The following IL1RAPL1 variants were observed in gnomAD, a reference collection of about 807,000 sequenced individuals.
IL1RAPL1 encodes interleukin 1 receptor accessory protein like 1.
Under a neutral mutation model 48.4 loss-of-function variants are expected in IL1RAPL1, and 3 were observed. The ratio of observed to expected loss-of-function variants is 0.06; its 90% CI spans 0.03 to 0.16. IL1RAPL1 has a LOEUF of 0.16. IL1RAPL1 is among the 10% of genes least tolerant of loss of function. IL1RAPL1 has a pLI of 1.00. For missense variants in IL1RAPL1, 349 were observed against 530.6 expected (o/e 0.66, Z 3.36); for synonymous variants, 185 against 187.7 (o/e 0.99, Z 0.12).
intron 1 of IL1RAPL1, among the ~76,000 whole-genome samples, chrX:28,672,827 G>T (rs1337901743): frequency 1.8e-5 from 2 of 110,845 alleles, no homozygotes; most frequent in African/African-American, 3.3e-5. Context: ...TAAATTCAGG[G>T]GTACAAGTGC....
At chrX:28,772,128 T>TGAAAAAGA (rs1206266028) in intron 1 of IL1RAPL1, among the ~76,000 whole-genome samples, 1 of 110,354 alleles carries the variant, frequency 9.1e-6, no homozygotes, top group Non-Finnish European at 1.9e-5. Context: ...TGTTGGTAGA[T>TGAAAAAGA]GAAAAAGAGA....
intron 2 of IL1RAPL1, among the ~76,000 whole-genome samples, chrX:28,951,227 C>G (rs894733543): frequency 2.8e-5 from 3 of 106,519 alleles, no homozygotes; most frequent in African/African-American, 1.0e-4. Flanking sequence ...ACATATGTAA[C>G]TAATCTGCAC....
intron 2 of IL1RAPL1, among the ~76,000 whole-genome samples, chrX:29,195,560 T>TA: frequency 1.0e-5 from 1 of 98,344 alleles, no homozygotes; most frequent in Non-Finnish European, 2.1e-5. Flanking sequence ...CTAATTACTT[T>TA]TTTTTTTTTT....
At chrX:29,174,419 C>T (rs1307368666) in intron 2 of IL1RAPL1, among the ~76,000 whole-genome samples, 1 of 111,856 alleles carries the variant, frequency 8.9e-6, no homozygotes, top group Non-Finnish European at 1.9e-5. Flanking sequence ...GAAAATATAT[C>T]AAATAGAAAA....
In IL1RAPL1 at chrX:29,633,468, T is replaced by TATACACACACAC. The variant is rs762146549; in HGVS notation, c.704-34961_704-34960insTACACACACACA. Among the ~76,000 whole-genome samples, 396 of 97,747 alleles carry TATACACACACAC rather than the reference T, an allele frequency of 4.1e-3. 2 individuals are homozygous for TATACACACACAC. The highest frequency in any genetic ancestry group is 0.014 in the African/African-American group (383 of 26,554). 84.9% of individuals were successfully genotyped at this position (97,747 alleles called of 115,157 possible). On this transcript the variant is annotated intron_variant, in intron 5 of 10. Transcript: ENST00000378993. The stretch of plus-strand genomic sequence containing the variant: ...TTGTGACAATTTATCGATATATATA[T>TATACACACACAC]ACACACACACACACACACACACACA...
chrX:28,761,326 G>A (rs1044952934), intron 1 of IL1RAPL1, among the ~76,000 whole-genome samples: 6 of 110,938 alleles, frequency 5.4e-5, no homozygotes, highest in African/African-American at 1.6e-4. Flanking sequence ...GTTCATCACA[G>A]CACTGTTCAC....
intron 5 of IL1RAPL1, among the ~76,000 whole-genome samples, chrX:29,598,720 C>CAT (rs1183189249): frequency 9.0e-6 from 1 of 111,426 alleles, no homozygotes; most frequent in African/African-American, 3.3e-5. Context: ...GTCTTAGGTG[C>CAT]ATATATATTT....
intron 2 of IL1RAPL1, among the ~76,000 whole-genome samples, chrX:28,877,957 CTTTAA>C (rs950426739): frequency 1.5e-4 from 17 of 111,968 alleles, no homozygotes; most frequent in African/African-American, 5.2e-4. Context: ...TTAAAATATA[CTTTAA>C]TTTATGTAAA....
At chrX:28,992,152 C>G (rs993777852) in intron 2 of IL1RAPL1, among the ~76,000 whole-genome samples, 15 of 111,718 alleles carry the variant, frequency 1.3e-4, no homozygotes, top group Non-Finnish European at 2.4e-4. Flanking sequence ...ATAATTTCCC[C>G]GTTATTCTAG....
intron 3 of IL1RAPL1, among the ~76,000 whole-genome samples, chrX:29,388,256 T>C (rs907473065): frequency 9.0e-6 from 1 of 110,790 alleles, no homozygotes; most frequent in Admixed American, 9.7e-5. Flanking sequence ...TTGAAGTCTT[T>C]AGCCTCAACA....
At chrX:29,399,624 G>T (rs924054357) in intron 5 of IL1RAPL1, among the ~76,000 whole-genome samples, 1 of 110,957 alleles carries the variant, frequency 9.0e-6, no homozygotes, top group Non-Finnish European at 1.9e-5. Context: ...TTCAGGACCA[G>T]CCTGGCCAAC....
intron 2 of IL1RAPL1, among the ~76,000 whole-genome samples, chrX:29,282,257 A>C (rs1602150166): frequency 8.9e-6 from 1 of 112,559 alleles, no homozygotes; most frequent in East Asian, 2.8e-4. Flanking sequence ...ACCTGAGAAA[A>C]AGTCCCTATG....
intron 2 of IL1RAPL1, among the ~76,000 whole-genome samples, chrX:29,231,636 G>A (rs1354090330): frequency 9.0e-6 from 1 of 111,564 alleles, no homozygotes; most frequent in Non-Finnish European, 1.9e-5. Context: ...CAAACTTTGT[G>A]CATAAAGTTG....
chrX:29,060,938 A>C (rs1479282131), intron 2 of IL1RAPL1, among the ~76,000 whole-genome samples: 2 of 111,626 alleles, frequency 1.8e-5, no homozygotes, highest in African/African-American at 6.5e-5. Context: ...GGATGAAATA[A>C]AAAATATTGG....
intron 2 of IL1RAPL1, among the ~76,000 whole-genome samples, chrX:29,154,833 G>T (rs1188115489): frequency 9.0e-6 from 1 of 110,731 alleles, no homozygotes; most frequent in Admixed American, 9.7e-5. Context: ...TAAAATTAGG[G>T]AATTATGAAA....
At chrX:29,921,142 A>G (rs1444588812) in intron 8 of IL1RAPL1, among the ~76,000 whole-genome samples, 1 of 112,519 alleles carries the variant, frequency 8.9e-6, no homozygotes, top group East Asian at 2.8e-4. Flanking sequence ...GTTTGAAATA[A>G]GTGACAACTG....
chrX:28,995,844 A>G (rs1387602169), intron 2 of IL1RAPL1, among the ~76,000 whole-genome samples: 1 of 110,586 alleles, frequency 9.0e-6, no homozygotes, highest in Non-Finnish European at 1.9e-5. Flanking sequence ...CATCCCCCAA[A>G]AGCTTCCTTT....
chrX:29,373,976 G>A (rs1196142835), intron 3 of IL1RAPL1, among the ~76,000 whole-genome samples: 2 of 94,456 alleles, frequency 2.1e-5, no homozygotes, highest in African/African-American at 7.9e-5. Context: ...CCAAAGTCCC[G>A]TGATAAAGGT....
chrX:29,646,244 C>T (rs932229797), intron 5 of IL1RAPL1, among the ~76,000 whole-genome samples: 4 of 111,069 alleles, frequency 3.6e-5, no homozygotes, highest in African/African-American at 1.3e-4. Flanking sequence ...AATTTAACAG[C>T]AAAATTGAAA....
Sources: allele counts gnomAD v4.1 joint callset (sites outside exome capture counted in the v4.1 genomes callset), GRCh38; gene constraint gnomAD v4.1.1; transcripts MANE v1.5; gene names NCBI Gene and HGNC (gene_info 2026-07-23, HGNC 2026-07-21).